FAF2: variants seen among roughly 807,000 people sequenced by gnomAD.
The protein encoded by FAF2 is Fas associated factor family member 2, also known as FAS-associated factor 2.
A neutral mutation model predicts 62.3 loss-of-function variants in FAF2; 9 were observed. The ratio of observed to expected loss-of-function variants is 0.14; its 90% CI spans 0.09 to 0.25. The LOEUF is 0.25. Among genes scored for constraint, FAF2 ranks in the 10% least tolerant of loss-of-function variants. The probability of loss-of-function intolerance (pLI) is 1.00; values close to 1 mark genes in which losing one functional copy is unlikely to be tolerated. For synonymous variants in FAF2, 202 were observed against 198.0 expected (o/e 1.02, Z -0.17); for missense variants, 368 against 556.2 (o/e 0.66, Z 3.40).
rs1269408199 is a variant in FAF2 at position 176,507,340 on chromosome 5, T to C, written c.*390T>C. ...TTATGAAAAATAAAAGTGAAAAACC[T>C]CCATCAACCAGCTACTTGCAGCATC... is the stretch of plus-strand genomic sequence containing the variant. On this transcript the variant is annotated 3_prime_UTR_variant, in exon 11 of 11. Transcript: ENST00000261942. 1 of 453,634 alleles carries C rather than the reference T, an allele frequency of 2.2e-6. No homozygotes were observed. The highest frequency in any genetic ancestry group is 2.4e-5 in the Admixed American group (1 of 42,190). The allele number at this position is 453,634 out of a possible 1,614,324, so 28.1% of individuals were successfully genotyped here.
chr5:176,471,793 A>G (rs1758575247), intron 1 of FAF2, among the ~76,000 whole-genome samples: 1 of 146,062 alleles, frequency 6.8e-6, no homozygotes, highest in South Asian at 2.1e-4. Context: ...GGGTTCAAGC[A>G]GTTTTCCTGC....
chr5:176,448,491 C>T (rs1394351653), intron 1 of FAF2, 21 bp downstream of exon 1: 3 of 1,580,550 alleles, frequency 1.9e-6, no homozygotes, highest in African/African-American at 2.7e-5. Context: ...GTACTCGGTG[C>T]AGCAGATGCC....
chr5:176,487,635 C>G (rs1355296267), intron 3 of FAF2, among the ~76,000 whole-genome samples: 1 of 152,080 alleles, frequency 6.6e-6, no homozygotes, highest in Non-Finnish European at 1.5e-5. Context: ...CTATGAAATG[C>G]TTTATAAACT....
rs1232419618 is a variant in FAF2, at chr5:176,494,591, G to T, written c.661+316G>T. Among the ~76,000 whole-genome samples, 3 of 151,968 alleles carry T rather than the reference G, an allele frequency of 2.0e-5. No homozygotes were observed. The highest frequency in any genetic ancestry group is 4.4e-5 in the Non-Finnish European group (3 of 67,980). ...TTTTTTTGAGATGGAGTCTTGCTCT[G>T]TCGCCCAGGCTGGAGTGCAGTGGTG... is the stretch of plus-strand genomic sequence containing the variant. On this transcript the variant is annotated intron_variant, in intron 7 of 10. Coordinates refer to ENST00000261942, the MANE Select transcript of FAF2 (RefSeq NM_014613.3). The surrounding 1 kb of genome is among the most constrained non-coding windows in gnomAD (Gnocchi z 4.0).
chr5:176,472,140 T>A (rs74785610), intron 1 of FAF2, among the ~76,000 whole-genome samples: 9 of 152,164 alleles, frequency 5.9e-5, no homozygotes, highest in African/African-American at 2.2e-4. Flanking sequence ...TTTTTTTTTT[T>A]ATTTTTTTGA....
chr5:176,504,456 C>T lies in FAF2; in HGVS notation c.1156-2312C>T, dbSNP rs148396033. On this transcript the variant is annotated intron_variant, in intron 10 of 10. Coordinates refer to ENST00000261942, the MANE Select transcript of FAF2 (RefSeq NM_014613.3). ...AAAATTAGCTGGGCATGGTGGTGCG[C>T]GCCTGTAGTCACTGCTGCTTGGGAG... is the stretch of plus-strand genomic sequence containing the variant. Among the ~76,000 whole-genome samples the T allele has an allele frequency of 6.3e-3, 957 of 152,050 alleles. 12 individuals carry two copies. Among genetic ancestry groups the T allele is most frequent in the African/African-American group, 0.022 (907 of 41,480 alleles).
intron 10 of FAF2, among the ~76,000 whole-genome samples, chr5:176,506,192 C>CAA (rs1166725144): frequency 3.2e-4 from 21 of 64,656 alleles, no homozygotes; most frequent in East Asian, 9.6e-4. Flanking sequence ...GAGACTCTCT[C>CAA]AAAAAAAAAA....
At chr5:176,473,044 G>A (rs984295953) in intron 1 of FAF2, among the ~76,000 whole-genome samples, 1 of 152,162 alleles carries the variant, frequency 6.6e-6, no homozygotes, top group Non-Finnish European at 1.5e-5. Context: ...TTAACACCTT[G>A]CATTATTAGT....
chr5:176,451,048 A>C (rs1251041930), intron 1 of FAF2, among the ~76,000 whole-genome samples: 1 of 152,224 alleles, frequency 6.6e-6, no homozygotes, highest in East Asian at 1.9e-4. Flanking sequence ...ACCAAGCAGC[A>C]GTTGATGTAC....
chr5:176,499,930 G>A (rs1755566164), intron 9 of FAF2, 73 bp from the exon 10 acceptor site: 1 of 1,554,924 alleles, frequency 6.4e-7, no homozygotes, highest in Admixed American at 1.9e-5. Context: ...TCTGACGACT[G>A]CGTAATAAAG....
Position 176,474,403 on chromosome 5 carries a change from G to A in FAF2, c.64-4785G>A, listed in dbSNP as rs1420778196. 3.3e-5 allele frequency among the ~76,000 whole-genome samples: 5 copies of A among 152,288 alleles called. No homozygotes were observed. In the South Asian group the frequency reaches 6.2e-4, roughly 19 times the overall value. On this transcript the variant is annotated intron_variant, in intron 1 of 10. Transcript: ENST00000261942. ...AGAACAGTGCTTAAGTGTAGTTCCT[G>A]TTGCCTTTAGTCTTATAGACTTCAT... is the stretch of plus-strand genomic sequence containing the variant.
rs1758876002 is a variant in FAF2 at position 176,486,366 on chromosome 5, G to A, written c.144G>A (p.Gln48=). The A allele has an allele frequency of 6.2e-7, 1 of 1,614,038 alleles. No individual in the cohort carries two copies. Among genetic ancestry groups the A allele is most frequent in the South Asian group, 1.1e-5 (1 of 91,076 alleles). ...GTTTTCCTTCTCAGGCTGCTGTACAGGACAGATTGAATGAGCAAGAGGGCG... is the reference window on the plus strand; with the variant it reads ...GTTTTCCTTCTCAGGCTGCTGTACAAGACAGATTGAATGAGCAAGAGGGCG... ...QHNWNIEAAV[Q]DRLNEQEGVP... is the part of the protein sequence containing the mutation. The change falls in exon 3 of 11, where the codon CAG becomes CAA. Residue 48 remains glutamine (Q), a synonymous_variant. Coordinates refer to ENST00000261942, the MANE Select transcript of FAF2 (RefSeq NM_014613.3).
At chr5:176,506,653 A>G in intron 10 of FAF2, 115 bp from the exon 11 acceptor site, 1 of 818,934 alleles carries the variant, frequency 1.2e-6, no homozygotes, top group East Asian at 2.5e-5. Flanking sequence ...CTATAGAGTC[A>G]TCCTGGGGAG....
At chr5:176,459,844 A>T (rs1581468749) in intron 1 of FAF2, among the ~76,000 whole-genome samples, 1 of 152,004 alleles carries the variant, frequency 6.6e-6, no homozygotes, top group East Asian at 1.9e-4. Flanking sequence ...TAAGCATAGT[A>T]TCCAACAGTT....
At chr5:176,477,244 C>CTT (rs61443027) in intron 1 of FAF2, among the ~76,000 whole-genome samples, 1 of 78,396 alleles carries the variant, frequency 1.3e-5, no homozygotes, top group African/African-American at 5.6e-5. Context: ...CGTGCCCGGC[C>CTT]TTTTTTTTTT....
intron 2 of FAF2, among the ~76,000 whole-genome samples, chr5:176,484,861 C>T (rs2113736227): frequency 6.7e-6 from 1 of 148,312 alleles, no homozygotes; most frequent in East Asian, 2.0e-4. Context: ...CACTGCACTC[C>T]AGCCTGGGCA....
intron 1 of FAF2, among the ~76,000 whole-genome samples, chr5:176,458,767 T>G (rs1758324290): frequency 6.6e-6 from 1 of 152,206 alleles, no homozygotes; most frequent in Non-Finnish European, 1.5e-5. Context: ...AAAATTTTTC[T>G]TTGTACCTCA....
intron 9 of FAF2, among the ~76,000 whole-genome samples, chr5:176,499,683 G>A (rs1755560056): frequency 6.6e-6 from 1 of 151,658 alleles, no homozygotes; most frequent in Admixed American, 6.6e-5. Flanking sequence ...CTATTCACCA[G>A]TGCAATCATG....
chr5:176,489,124 C>A, intron 4 of FAF2, 97 bp downstream of exon 4: 1 of 818,096 alleles, frequency 1.2e-6, no homozygotes, highest in Admixed American at 2.5e-5. Context: ...TGTTGACTTA[C>A]CAATTTGTCA....
Sources: allele counts gnomAD v4.1 joint callset (sites outside exome capture counted in the v4.1 genomes callset), GRCh38; gene constraint gnomAD v4.1.1; non-coding constraint Gnocchi (gnomAD v3.1); transcripts MANE v1.5; gene names NCBI Gene and HGNC (gene_info 2026-07-23, HGNC 2026-07-21).